CDK19: variants seen among roughly 807,000 people sequenced by gnomAD.
CDK19 encodes cyclin dependent kinase 19, also known as cyclin-dependent kinase 19.
CDK19 carries 20 observed loss-of-function variants against 68.3 expected under a neutral mutation model. The observed-to-expected ratio is 0.29, with a 90% CI of 0.21 to 0.43. CDK19 has a LOEUF of 0.43. CDK19 is among the 20% of genes least tolerant of loss of function. The probability of loss-of-function intolerance (pLI) is 1.00; values close to 1 mark genes in which losing one functional copy is unlikely to be tolerated. For synonymous variants in CDK19, 221 were observed against 222.8 expected, an observed-to-expected ratio of 0.99 and a Z score of 0.07; for missense variants, 339 against 623.5, an observed-to-expected ratio of 0.54 and a Z score of 4.86.
At chr6:110,694,292 T>C (rs1562204696) in intron 2 of CDK19, among the ~76,000 whole-genome samples, 1 of 151,846 alleles carries the variant, frequency 6.6e-6, no homozygotes, top group African/African-American at 2.4e-5. Flanking sequence ...AGTAAAGCAG[T>C]AGAAAAAGAT....
chr6:110,702,776 A>G (rs1285980104), intron 2 of CDK19, among the ~76,000 whole-genome samples: 1 of 152,244 alleles, frequency 6.6e-6, no homozygotes, highest in East Asian at 1.9e-4. Context: ...TATTTTTAAA[A>G]GATACATATG....
chr6:110,623,521 G>T, intron 8 of CDK19, 159 bp from the exon 9 acceptor site: 1 of 539,448 alleles, frequency 1.9e-6, no homozygotes, highest in South Asian at 8.2e-5. Context: ...GCAAATGTGT[G>T]AAGAAATAGG....
intron 2 of CDK19, among the ~76,000 whole-genome samples, chr6:110,689,392 A>T (rs1772780539): frequency 6.6e-6 from 1 of 152,190 alleles, no homozygotes; most frequent in South Asian, 2.1e-4. Context: ...GAAAAATCAG[A>T]GTACCTCCCC....
chr6:110,704,887 G>A (rs909475100), intron 2 of CDK19, among the ~76,000 whole-genome samples: 7 of 151,944 alleles, frequency 4.6e-5, no homozygotes, highest in Non-Finnish European at 8.8e-5. Context: ...TAGAAAGGAG[G>A]GGTTAGATAA....
intron 1 of CDK19, among the ~76,000 whole-genome samples, chr6:110,752,287 G>C (rs1002898548): frequency 6.6e-6 from 1 of 152,144 alleles, no homozygotes; most frequent in Non-Finnish European, 1.5e-5. Context: ...CTCGTGGACA[G>C]CCTTATTTCT....
intron 1 of CDK19, among the ~76,000 whole-genome samples, chr6:110,750,588 T>C (rs1226272261): frequency 1.3e-5 from 2 of 152,212 alleles, no homozygotes; most frequent in Non-Finnish European, 2.9e-5. Flanking sequence ...CTGTAGCTTA[T>C]AAATGATTCC....
chr6:110,768,725 G>A (rs1040374719), intron 1 of CDK19, among the ~76,000 whole-genome samples: 16 of 152,226 alleles, frequency 1.1e-4, no homozygotes, highest in Middle Eastern at 6.8e-3. Context: ...TGCAGGGAGG[G>A]AACCAGGGAT....
chr6:110,793,066 A>G (rs974950996), intron 1 of CDK19, among the ~76,000 whole-genome samples: 5 of 152,252 alleles, frequency 3.3e-5, no homozygotes, highest in African/African-American at 1.2e-4. Flanking sequence ...AGGTTTTCAA[A>G]AGATTTTGGT....
intron 2 of CDK19, among the ~76,000 whole-genome samples, chr6:110,742,158 C>T (rs965404775): frequency 6.6e-6 from 1 of 152,172 alleles, no homozygotes; most frequent in Non-Finnish European, 1.5e-5. Context: ...AGCAGAGGAA[C>T]ATAAATTGTG....
intron 1 of CDK19, among the ~76,000 whole-genome samples, chr6:110,791,638 T>C (rs1781600311): frequency 6.6e-6 from 1 of 152,090 alleles, no homozygotes; most frequent in Admixed American, 6.6e-5. Flanking sequence ...TTACTTCTTT[T>C]TGCTTATCTT....
At chr6:110,780,097 A>G (rs1780689923) in intron 1 of CDK19, among the ~76,000 whole-genome samples, 1 of 152,098 alleles carries the variant, frequency 6.6e-6, no homozygotes, top group Non-Finnish European at 1.5e-5. Context: ...ACATGTCTGT[A>G]ATCCCAGCTA....
intron 4 of CDK19, among the ~76,000 whole-genome samples, chr6:110,656,007 C>A (rs1277803802): frequency 6.6e-6 from 1 of 152,124 alleles, no homozygotes; most frequent in Non-Finnish European, 1.5e-5. Context: ...ATTCATACTC[C>A]TCTGCCTGGA....
intron 4 of CDK19, among the ~76,000 whole-genome samples, chr6:110,659,675 T>A (rs1009477271): frequency 2.0e-5 from 3 of 152,100 alleles, no homozygotes; most frequent in African/African-American, 7.2e-5. Flanking sequence ...ATTGAATATA[T>A]CCTCTGAACT....
At chr6:110,738,234 G>T (rs1777393876) in intron 2 of CDK19, among the ~76,000 whole-genome samples, 2 of 152,004 alleles carry the variant, frequency 1.3e-5, no homozygotes, top group South Asian at 4.1e-4. Context: ...AACAAGCCAG[G>T]TGTGGTGGCT....
chr6:110,783,439 A>C (rs767171454), intron 1 of CDK19, among the ~76,000 whole-genome samples: 28 of 152,148 alleles, frequency 1.8e-4, no homozygotes, highest in Non-Finnish European at 2.9e-4. Context: ...GGAGTTCGAG[A>C]CCAGCCTGGC....
chr6:110,627,307 T>C (rs1295067443), intron 6 of CDK19, among the ~76,000 whole-genome samples, 162 bp from the exon 7 acceptor site: 3 of 151,994 alleles, frequency 2.0e-5, no homozygotes, highest in African/African-American at 7.2e-5. Flanking sequence ...GACATATGTG[T>C]GGGTATGTGT....
intron 4 of CDK19, among the ~76,000 whole-genome samples, chr6:110,662,608 A>G (rs1043412882): frequency 6.6e-6 from 1 of 152,242 alleles, no homozygotes; most frequent in African/African-American, 2.4e-5. Context: ...TACAAAAATT[A>G]TTGAGATATG....
chr6:110,748,778 G>A (rs776256955), intron 1 of CDK19, among the ~76,000 whole-genome samples: 6 of 152,162 alleles, frequency 3.9e-5, no homozygotes, highest in African/African-American at 9.7e-5. Context: ...CTCATCCCAC[G>A]TGAGTGCCCC....
chr6:110,686,388 T>C (rs2114549001), intron 2 of CDK19, among the ~76,000 whole-genome samples: 1 of 152,334 alleles, frequency 6.6e-6, no homozygotes, highest in South Asian at 2.1e-4. Flanking sequence ...CATTATATCA[T>C]GAATACACAG....
Sources: gnomAD v4.1 joint callset for allele counts (sites outside exome capture counted in the v4.1 genomes callset) on GRCh38, gnomAD v4.1.1 for gene constraint, MANE v1.5 for transcripts, NCBI Gene and HGNC (gene_info 2026-07-23, HGNC 2026-07-21) for gene names.